The following GALNTL6 variants were observed in gnomAD, a reference collection of about 807,000 sequenced individuals.
GALNTL6 encodes the protein polypeptide N-acetylgalactosaminyltransferase-like 6.
In GALNTL6, 46 loss-of-function variants were observed where a neutral mutation model predicts 73.7. The observed-to-expected ratio is 0.62, with a 90% confidence interval of 0.49 to 0.80. GALNTL6 has a LOEUF of 0.80. GALNTL6 is among the 30% of genes least tolerant of loss of function. The pLI, the probability that GALNTL6 is intolerant of heterozygous loss-of-function variation, is 0.00. For missense variants in GALNTL6, 604 were observed against 755.0 expected, an observed-to-expected ratio of 0.80 and a Z score of 2.34; for synonymous variants, 259 against 263.7, an observed-to-expected ratio of 0.98 and a Z score of 0.17.
At chr4:172,968,171 AG>A (rs1750418375) in intron 10 of GALNTL6, among the ~76,000 whole-genome samples, 1 of 152,230 alleles carries the variant, frequency 6.6e-6, no homozygotes, top group Admixed American at 6.5e-5. Flanking sequence ...AACATCAGAC[AG>A]CAGCAGATCC....
At chr4:172,399,571 A>C (rs1259463373) in intron 5 of GALNTL6, among the ~76,000 whole-genome samples, 2 of 152,096 alleles carry the variant, frequency 1.3e-5, no homozygotes, top group Non-Finnish European at 2.9e-5. Flanking sequence ...CCCATACTAC[A>C]TTCTAACAAT....
At chr4:172,899,936 T>C (rs980836311) in intron 8 of GALNTL6, among the ~76,000 whole-genome samples, 1 of 152,122 alleles carries the variant, frequency 6.6e-6, no homozygotes. Context: ...TTTGTTGCCA[T>C]CTTGGTTTTG....
chr4:172,453,625 T>A (rs1732291699), intron 5 of GALNTL6, among the ~76,000 whole-genome samples: 1 of 152,230 alleles, frequency 6.6e-6, no homozygotes, highest in African/African-American at 2.4e-5. Context: ...CTTTTCACCA[T>A]CTGAAATTTG....
chr4:172,911,728 C>T (rs1747212985), intron 8 of GALNTL6, among the ~76,000 whole-genome samples: 1 of 152,172 alleles, frequency 6.6e-6, no homozygotes, highest in Admixed American at 6.5e-5. Context: ...CAAAAGATAC[C>T]TCAGGTGTAT....
intron 5 of GALNTL6, among the ~76,000 whole-genome samples, chr4:172,368,169 A>G (rs914145337): frequency 6.6e-6 from 1 of 152,172 alleles, no homozygotes; most frequent in Non-Finnish European, 1.5e-5. Flanking sequence ...TGATGAGATC[A>G]GGAGTTCAAA....
intron 5 of GALNTL6, among the ~76,000 whole-genome samples, chr4:172,527,157 C>A (rs1734987751): frequency 6.6e-6 from 1 of 152,072 alleles, no homozygotes; most frequent in Non-Finnish European, 1.5e-5. Flanking sequence ...AAAGTAATTT[C>A]TTTGCACCTG....
intron 2 of GALNTL6, among the ~76,000 whole-genome samples, chr4:171,957,626 A>G (rs932010265): frequency 1.3e-5 from 2 of 152,198 alleles, no homozygotes; most frequent in African/African-American, 4.8e-5. Flanking sequence ...GCGGCATTTT[A>G]AGAATATATT....
intron 2 of GALNTL6, among the ~76,000 whole-genome samples, chr4:171,950,763 C>G (rs1738854675): frequency 6.6e-6 from 1 of 152,034 alleles, no homozygotes; most frequent in South Asian, 2.1e-4. Flanking sequence ...CATGTGTGAG[C>G]CACAACGCCC....
intron 8 of GALNTL6, among the ~76,000 whole-genome samples, chr4:172,914,230 C>T (rs1281132189): frequency 6.6e-6 from 1 of 152,168 alleles, no homozygotes; most frequent in Non-Finnish European, 1.5e-5. Context: ...GCCTGCCTTA[C>T]AAGAGCTCCT....
intron 7 of GALNTL6, among the ~76,000 whole-genome samples, chr4:172,814,341 C>A (rs543422251): frequency 4.6e-5 from 7 of 152,172 alleles, no homozygotes; most frequent in Non-Finnish European, 8.8e-5. Flanking sequence ...TTCTACCAAA[C>A]GACATCCTGT....
chr4:172,084,883 T>G (rs922056009), intron 2 of GALNTL6, among the ~76,000 whole-genome samples: 1 of 152,178 alleles, frequency 6.6e-6, no homozygotes, highest in Non-Finnish European at 1.5e-5. Context: ...TAGTATATGA[T>G]GTTGTCACGT....
chr4:172,811,212 A>G (rs1165461430), intron 6 of GALNTL6, among the ~76,000 whole-genome samples: 1 of 152,128 alleles, frequency 6.6e-6, no homozygotes, highest in African/African-American at 2.4e-5. Context: ...TTTCCCATTA[A>G]GTCTGTTTGT....
intron 5 of GALNTL6, among the ~76,000 whole-genome samples, chr4:172,569,030 C>T (rs1259665867): frequency 2.6e-5 from 4 of 152,088 alleles, no homozygotes; most frequent in Non-Finnish European, 5.9e-5. Flanking sequence ...TCTTCATCTA[C>T]ATCATCCTAC....
At chr4:172,780,614 C>A (rs905850092) in intron 5 of GALNTL6, among the ~76,000 whole-genome samples, 2 of 152,172 alleles carry the variant, frequency 1.3e-5, no homozygotes, top group Non-Finnish European at 2.9e-5. Flanking sequence ...TTTTTCCTGG[C>A]CGCTTAGACT....
At chr4:172,481,277 T>C (rs1259766828) in intron 5 of GALNTL6, among the ~76,000 whole-genome samples, 2 of 151,698 alleles carry the variant, frequency 1.3e-5, no homozygotes, top group South Asian at 2.1e-4. Context: ...GGGTTTGTGG[T>C]CTCGCAGGCC....
At chr4:172,688,782 C>T (rs374853107) in intron 5 of GALNTL6, among the ~76,000 whole-genome samples, 4 of 152,220 alleles carry the variant, frequency 2.6e-5, no homozygotes. Flanking sequence ...GTGAACTTTC[C>T]CCTTATGGAG....
chr4:172,268,413 A>G (rs1163667505), intron 3 of GALNTL6, among the ~76,000 whole-genome samples: 1 of 152,200 alleles, frequency 6.6e-6, no homozygotes, highest in Non-Finnish European at 1.5e-5. Flanking sequence ...TGTAGCTGAG[A>G]TAATCCTTCA....
At chr4:171,987,478 A>G (rs925991627) in intron 2 of GALNTL6, among the ~76,000 whole-genome samples, 12 of 152,180 alleles carry the variant, frequency 7.9e-5, no homozygotes, top group African/African-American at 2.7e-4. Flanking sequence ...CCAACCAGTG[A>G]AAGTGTCTAC....
chr4:172,162,616 T>C (rs1560948501), intron 2 of GALNTL6, among the ~76,000 whole-genome samples: 1 of 151,926 alleles, frequency 6.6e-6, no homozygotes, highest in Non-Finnish European at 1.5e-5. Context: ...ATGTCAAGTT[T>C]CAAACAAGAT....
Sources: allele counts gnomAD v4.1 joint callset (sites outside exome capture counted in the v4.1 genomes callset), GRCh38; gene constraint gnomAD v4.1.1; transcripts MANE v1.5; gene names NCBI Gene and HGNC (gene_info 2026-07-23, HGNC 2026-07-21).